Variants in XKR4 observed in about 807,000 individuals in gnomAD.
XKR4 encodes XK-related protein 4.
In XKR4, 12 loss-of-function variants were observed where a neutral mutation model predicts 53.9. The ratio of observed to expected loss-of-function variants is 0.22; its 90% CI spans 0.14 to 0.36. The LOEUF (loss-of-function observed/expected upper bound fraction) is 0.36. Among genes scored for constraint, XKR4 ranks in the 10% least tolerant of loss-of-function variants. The pLI is 1.00. For missense variants in XKR4, 799 were observed against 859.5 expected, an observed-to-expected ratio of 0.93 and a Z score of 0.88; for synonymous variants, 354 against 362.4, an observed-to-expected ratio of 0.98 and a Z score of 0.26.
At chr8:55,429,130 A>G (rs1003285345) in intron 2 of XKR4, among the ~76,000 whole-genome samples, 4 of 152,208 alleles carry the variant, frequency 2.6e-5, no homozygotes, top group Non-Finnish European at 5.9e-5. Context: ...AAATATATCA[A>G]ACTGATGTTT....
In XKR4 at chr8:55,207,679, A is replaced by G. The variant is rs79030390; in HGVS notation, c.806+104385A>G. 7.5e-3 allele frequency among the ~76,000 whole-genome samples: 1,120 copies of G among 149,422 alleles called. 10 individuals are homozygous for G. The highest frequency in any genetic ancestry group is 0.011 in the Non-Finnish European group (773 of 67,724). On this transcript the variant is annotated intron_variant, in intron 1 of 2. Coordinates refer to ENST00000327381, the MANE Select transcript of XKR4 (RefSeq NM_052898.2). ...ACACACACACACGTCTTTTGCTCCT[A>G]TTGAATTTTAGTAAATGGGACACCA...
At chr8:55,227,927 G>C (rs558528426) in intron 1 of XKR4, among the ~76,000 whole-genome samples, 1 of 152,088 alleles carries the variant, frequency 6.6e-6, no homozygotes, top group African/African-American at 2.4e-5. Context: ...GTTTTTTTGA[G>C]ATAGAGTCTT....
intron 1 of XKR4, among the ~76,000 whole-genome samples, chr8:55,278,335 T>TA (rs202025635): frequency 0.014 from 1,710 of 123,558 alleles, 34 homozygotes; most frequent in East Asian, 0.047. Flanking sequence ...AGATCCTGTC[T>TA]AAAAAAAAAA....
intron 1 of XKR4, among the ~76,000 whole-genome samples, chr8:55,289,375 C>T (rs760325701): frequency 2.6e-5 from 4 of 151,212 alleles, no homozygotes; most frequent in East Asian, 1.9e-4. Context: ...ATTAGCTGGT[C>T]GTGGTGGTGG....
chr8:55,141,032 A>G (rs973888007), intron 1 of XKR4, among the ~76,000 whole-genome samples: 6 of 152,260 alleles, frequency 3.9e-5, no homozygotes, highest in African/African-American at 1.4e-4. Flanking sequence ...TAGTATGTCC[A>G]CTGCGTGTGA....
intron 1 of XKR4, among the ~76,000 whole-genome samples, chr8:55,179,281 T>C (rs1253977811): frequency 6.8e-6 from 1 of 148,040 alleles, no homozygotes; most frequent in Non-Finnish European, 1.5e-5. Context: ...GACAGGAGCA[T>C]GACAACATTC....
At chr8:55,477,905 T>A (rs1209105280) in intron 2 of XKR4, among the ~76,000 whole-genome samples, 1 of 151,948 alleles carries the variant, frequency 6.6e-6, no homozygotes, top group Non-Finnish European at 1.5e-5. Flanking sequence ...AGGGACTATG[T>A]GAAAAGACCA....
chr8:55,104,657 T>A (rs550753502), intron 1 of XKR4, among the ~76,000 whole-genome samples: 1 of 152,308 alleles, frequency 6.6e-6, no homozygotes, highest in African/African-American at 2.4e-5. Flanking sequence ...CCATAGATGG[T>A]GACCTTCCAG....
chr8:55,335,080 G>A (rs1229486214), intron 1 of XKR4, among the ~76,000 whole-genome samples: 3 of 152,080 alleles, frequency 2.0e-5, no homozygotes, highest in Admixed American at 6.6e-5. Context: ...GACAACATAG[G>A]GCCTGGATTG....
intron 1 of XKR4, among the ~76,000 whole-genome samples, chr8:55,178,895 C>A (rs1028035917): frequency 1.3e-5 from 2 of 152,144 alleles, no homozygotes; most frequent in Non-Finnish European, 2.9e-5. Flanking sequence ...AAAGAATAAT[C>A]CAAGACACTC....
At chr8:55,170,556 C>T (rs554270426) in intron 1 of XKR4, among the ~76,000 whole-genome samples, 2 of 152,268 alleles carry the variant, frequency 1.3e-5, no homozygotes, top group East Asian at 3.9e-4. Flanking sequence ...TGAGAACTGA[C>T]CTACAGAGCT....
At chr8:55,122,049 A>G (rs1305422110) in intron 1 of XKR4, among the ~76,000 whole-genome samples, 1 of 152,234 alleles carries the variant, frequency 6.6e-6, no homozygotes, top group Non-Finnish European at 1.5e-5. Context: ...GAATCTATAA[A>G]TTGTTATAGT....
intron 1 of XKR4, among the ~76,000 whole-genome samples, chr8:55,174,548 T>TA (rs547387759): frequency 0.019 from 2,906 of 149,636 alleles, 39 homozygotes; most frequent in African/African-American, 0.031. Flanking sequence ...ATTTCTATTA[T>TA]AAAAAAAAAA....
At chr8:55,124,377 G>A (rs1462344132) in intron 1 of XKR4, among the ~76,000 whole-genome samples, 1 of 152,214 alleles carries the variant, frequency 6.6e-6, no homozygotes, top group East Asian at 1.9e-4. Context: ...GTTCCCTGAA[G>A]GCGGGACAAA....
chr8:55,384,482 A>G (rs1804281038), intron 2 of XKR4, among the ~76,000 whole-genome samples: 1 of 152,244 alleles, frequency 6.6e-6, no homozygotes, highest in Non-Finnish European at 1.5e-5. Context: ...TTACCATCTG[A>G]ACTGCTGAAA....
chr8:55,244,897 A>AC (rs1563491787), intron 1 of XKR4, among the ~76,000 whole-genome samples: 1 of 110,828 alleles, frequency 9.0e-6, no homozygotes. Context: ...CTTTGCCAAC[A>AC]TTTTTTTTTT....
At chr8:55,107,445 A>T (rs1227809006) in intron 1 of XKR4, among the ~76,000 whole-genome samples, 2 of 152,174 alleles carry the variant, frequency 1.3e-5, no homozygotes, top group Non-Finnish European at 2.9e-5. Context: ...TGGGAAAGGG[A>T]GCTGCAGTTT....
chr8:55,144,376 T>TA (rs887511643), intron 1 of XKR4, among the ~76,000 whole-genome samples: 12 of 150,306 alleles, frequency 8.0e-5, no homozygotes, highest in Non-Finnish European at 1.3e-4. Flanking sequence ...AAATTTACTT[T>TA]AAAAAAAAAA....
intron 2 of XKR4, among the ~76,000 whole-genome samples, chr8:55,509,956 A>C (rs1444887492): frequency 1.3e-5 from 2 of 152,162 alleles, no homozygotes; most frequent in African/African-American, 4.8e-5. Flanking sequence ...TAGTATTTGT[A>C]AAACTCTACA....
Sources: allele counts gnomAD v4.1 joint callset (sites outside exome capture counted in the v4.1 genomes callset), GRCh38; gene constraint gnomAD v4.1.1; transcripts MANE v1.5; gene names NCBI Gene and HGNC (gene_info 2026-07-23, HGNC 2026-07-21).